GPC5: variants seen among roughly 807,000 people sequenced by gnomAD.
The protein encoded by GPC5 is glypican 5.
Under a neutral mutation model 53.9 loss-of-function variants are expected in GPC5, and 47 were observed. The ratio of observed to expected loss-of-function variants is 0.87; its 90% CI spans 0.69 to 1.11. GPC5 has a LOEUF of 1.11. Ranked by LOEUF, GPC5 falls within the 50% of genes most tolerant of loss-of-function variation. The pLI is 0.00. For missense variants in GPC5, 748 were observed against 713.1 expected (o/e 1.05, Z -0.56); for synonymous variants, 286 against 263.3 (o/e 1.09, Z -0.84).
intron 2 of GPC5, among the ~76,000 whole-genome samples, chr13:91,562,061 C>A (rs1278030945): frequency 1.3e-5 from 2 of 151,938 alleles, no homozygotes; most frequent in African/African-American, 4.8e-5. Flanking sequence ...TATTCCTCCT[C>A]CAGTTCATGC....
At chr13:92,737,714 T>G (rs545664819) in intron 7 of GPC5, among the ~76,000 whole-genome samples, 42 of 151,740 alleles carry the variant, frequency 2.8e-4, no homozygotes, top group Non-Finnish European at 3.8e-4. Flanking sequence ...GAGTCTAGAA[T>G]TAGATTTGAA....
chr13:92,837,649 G>A (rs570279707), intron 7 of GPC5, among the ~76,000 whole-genome samples: 44 of 152,226 alleles, frequency 2.9e-4, no homozygotes, highest in Non-Finnish European at 5.1e-4. Context: ...GAAAGCCTGC[G>A]AAAAGCAACA....
At chr13:91,935,980 T>C (rs984814417) in intron 6 of GPC5, among the ~76,000 whole-genome samples, 1 of 151,960 alleles carries the variant, frequency 6.6e-6, no homozygotes, top group African/African-American at 2.4e-5. Context: ...TAGAGAAGTA[T>C]GAGATCCTTA....
chr13:92,453,915 A>G (rs957793285), intron 7 of GPC5, among the ~76,000 whole-genome samples: 14 of 152,198 alleles, frequency 9.2e-5, no homozygotes, highest in Admixed American at 8.5e-4. Context: ...GTCCTTGTTA[A>G]TGACAGAAAT....
intron 5 of GPC5, among the ~76,000 whole-genome samples, chr13:91,878,030 C>T (rs897287829): frequency 2.0e-5 from 3 of 152,088 alleles, no homozygotes; most frequent in Non-Finnish European, 2.9e-5. Flanking sequence ...CCTTTTGCCT[C>T]CCCCTGTGAT....
intron 4 of GPC5, 108 bp from the exon 5 acceptor site, chr13:91,756,187 C>T (rs931249485): frequency 1.4e-6 from 1 of 719,872 alleles, no homozygotes. Context: ...TTATGCATAA[C>T]AATATAAAAA....
At chr13:92,195,995 C>G (rs912830380) in intron 7 of GPC5, among the ~76,000 whole-genome samples, 1 of 152,006 alleles carries the variant, frequency 6.6e-6, no homozygotes, top group Non-Finnish European at 1.5e-5. Context: ...ATGGAACTGC[C>G]AAGACTTTCA....
chr13:91,957,624 G>A lies in GPC5; in HGVS notation c.1401+49567G>A, dbSNP rs181152269. Among the ~76,000 whole-genome samples, 408 of 152,164 alleles carry A rather than the reference G, an allele frequency of 2.7e-3. 2 individuals are homozygous for A. The highest frequency in any genetic ancestry group is 9.5e-3 in the African/African-American group (393 of 41,522). On this transcript the variant is annotated intron_variant, in intron 6 of 7. Coordinates refer to ENST00000377067, the MANE Select transcript of GPC5 (RefSeq NM_004466.6). ...AGATTTCTCAGCAGAAACCTTACAG[G>A]TCAGGAGAGAATGGGATGATATATG...
intron 5 of GPC5, among the ~76,000 whole-genome samples, chr13:91,888,993 GT>G (rs1374683263): frequency 2.6e-5 from 4 of 152,186 alleles, no homozygotes; most frequent in African/African-American, 4.8e-5. Context: ...GGCCGCTGGA[GT>G]TATGAATTGC....
intron 7 of GPC5, among the ~76,000 whole-genome samples, chr13:92,200,366 A>G (rs1328587236): frequency 1.3e-5 from 2 of 152,204 alleles, no homozygotes; most frequent in Non-Finnish European, 2.9e-5. Flanking sequence ...AATCATAAAC[A>G]TTTGCTAAGC....
intron 5 of GPC5, among the ~76,000 whole-genome samples, chr13:91,802,977 A>G (rs1269463398): frequency 1.3e-5 from 2 of 152,196 alleles, no homozygotes; most frequent in Non-Finnish European, 2.9e-5. Context: ...AGAGTAAATA[A>G]TGTAGTAGAA....
intron 6 of GPC5, among the ~76,000 whole-genome samples, chr13:91,969,638 T>A (rs2040222149): frequency 6.6e-6 from 1 of 152,152 alleles, no homozygotes; most frequent in Non-Finnish European, 1.5e-5. Flanking sequence ...ACTCTCAATT[T>A]CCAAAATACT....
At chr13:92,785,060 T>C (rs578094873) in intron 7 of GPC5, among the ~76,000 whole-genome samples, 1 of 152,046 alleles carries the variant, frequency 6.6e-6, no homozygotes, top group East Asian at 1.9e-4. Flanking sequence ...GTGGATCACT[T>C]GAGGTCAGGA....
intron 7 of GPC5, among the ~76,000 whole-genome samples, chr13:92,792,726 G>T (rs1160833918): frequency 6.6e-6 from 1 of 152,024 alleles, no homozygotes; most frequent in African/African-American, 2.4e-5. Flanking sequence ...AAAAGCAGGG[G>T]TTGCAATCCT....
chr13:91,922,882 C>T (rs1183139215), intron 6 of GPC5, among the ~76,000 whole-genome samples: 1 of 5,442 alleles, frequency 1.8e-4, no homozygotes, highest in Admixed American at 2.7e-3. Context: ...TTTGGCAGAT[C>T]TTACTCCTAA....
chr13:91,937,670 T>G (rs987339275), intron 6 of GPC5, among the ~76,000 whole-genome samples: 15 of 152,082 alleles, frequency 9.9e-5, no homozygotes, highest in African/African-American at 3.6e-4. Flanking sequence ...ATTTCCAAGA[T>G]TGGATAGACA....
chr13:91,898,693 C>T (rs2039468181), intron 5 of GPC5, among the ~76,000 whole-genome samples: 1 of 147,926 alleles, frequency 6.8e-6, no homozygotes, highest in African/African-American at 2.5e-5. Flanking sequence ...AAAAAAAAAT[C>T]TATTAGGTTA....
intron 7 of GPC5, among the ~76,000 whole-genome samples, chr13:92,459,920 T>C (rs1230048506): frequency 6.6e-6 from 1 of 152,196 alleles, no homozygotes; most frequent in Non-Finnish European, 1.5e-5. Context: ...TTCTGCTAGA[T>C]TGTGGTTTCT....
intron 7 of GPC5, among the ~76,000 whole-genome samples, chr13:92,341,321 G>C (rs1389578069): frequency 6.6e-6 from 1 of 151,906 alleles, no homozygotes; most frequent in East Asian, 1.9e-4. Flanking sequence ...ATCTATACTG[G>C]GACTAATCTT....
Sources: gnomAD v4.1 joint callset for allele counts (sites outside exome capture counted in the v4.1 genomes callset) on GRCh38, gnomAD v4.1.1 for gene constraint, MANE v1.5 for transcripts, NCBI Gene and HGNC (gene_info 2026-07-23, HGNC 2026-07-21) for gene names.